ATP2C1: variants seen among roughly 807,000 people sequenced by gnomAD.
ATP2C1 encodes the protein calcium-transporting ATPase type 2C member 1.
In ATP2C1, 31 loss-of-function variants were observed where a neutral mutation model predicts 120.5. The ratio of observed to expected loss-of-function variants is 0.26; its 90% CI spans 0.19 to 0.35. ATP2C1 has a LOEUF of 0.35. Among genes scored for constraint, ATP2C1 ranks in the 10% least tolerant of loss-of-function variants. The probability of loss-of-function intolerance (pLI) is 1.00; values close to 1 mark genes in which losing one functional copy is unlikely to be tolerated. For synonymous variants in ATP2C1, 351 were observed against 358.7 expected (o/e 0.98, Z 0.24); for missense variants, 731 against 1,107.5 (o/e 0.66, Z 4.83).
intron 2 of ATP2C1, among the ~76,000 whole-genome samples, chr3:130,896,123 TA>T (rs2069607739): frequency 6.6e-6 from 1 of 152,232 alleles, no homozygotes; most frequent in Non-Finnish European, 1.5e-5. Flanking sequence ...AGAAACATCT[TA>T]AATAACTTCT....
exon 27 of ATP2C1, chr3:131,016,334 C>A: frequency 6.2e-7 from 1 of 1,614,142 alleles, no homozygotes; most frequent in South Asian, 1.1e-5. Context: ...TGCAGCTCTT[C>A]CTTACCTAAA....
At chr3:130,991,629 A>G (rs988761931) in intron 20 of ATP2C1, among the ~76,000 whole-genome samples, 11 of 152,166 alleles carry the variant, frequency 7.2e-5, no homozygotes, top group African/African-American at 2.7e-4. Flanking sequence ...CTTTTTTTAT[A>G]TGGAAGGGAC....
At chr3:130,976,185 T>C (rs533033181) in intron 18 of ATP2C1, among the ~76,000 whole-genome samples, 1 of 152,362 alleles carries the variant, frequency 6.6e-6, no homozygotes, top group South Asian at 2.1e-4. Context: ...GTCTAAGCAC[T>C]ACAATTTCTG....
chr3:130,942,447 AC>A (rs1285201465), intron 8 of ATP2C1, among the ~76,000 whole-genome samples: 4 of 152,144 alleles, frequency 2.6e-5, no homozygotes, highest in African/African-American at 9.7e-5. Context: ...GGCTTTCAAA[AC>A]CCATTAGTAT....
At chr3:131,005,316 C>T (rs1336297072), downstream of ATP2C1, among the ~76,000 whole-genome samples, 1 of 151,878 alleles carries the variant, frequency 6.6e-6, no homozygotes, top group Non-Finnish European at 1.5e-5. Context: ...CAGGGTTTCA[C>T]CATATTACCC....
Position 130,993,863 on chromosome 3 carries a change from A to G in ATP2C1, c.1891-69A>G, listed in dbSNP as rs560567280. ...TGAAAAAAATAGGGAGGATTTGTTT[A>G]TCGCTTTGTATGGAAGCAACATTTT... On this transcript the variant is annotated intron_variant, in intron 21 of 27. Transcript: ENST00000510168. The G allele has an allele frequency of 4.4e-5, 67 of 1,515,702 alleles. 1 individual carries two copies. In the South Asian group the frequency reaches 6.8e-4, roughly 15 times the overall value. 93.9% of individuals were successfully genotyped at this position (1,515,702 alleles called of 1,614,324 possible).
chr3:130,949,646 A>T (rs770393060), intron 8 of ATP2C1, among the ~76,000 whole-genome samples: 1 of 152,198 alleles, frequency 6.6e-6, no homozygotes, highest in Non-Finnish European at 1.5e-5. Flanking sequence ...AACTTTCTGT[A>T]TACTCGAATC....
chr3:130,940,717 T>C, intron 7 of ATP2C1, 26 bp downstream of exon 7: 1 of 1,560,326 alleles, frequency 6.4e-7, no homozygotes, highest in Non-Finnish European at 8.8e-7. Context: ...TGGTATGGAT[T>C]TCTGCCCCTT....
chr3:130,986,228 C>T (rs2062006296), intron 20 of ATP2C1, among the ~76,000 whole-genome samples: 3 of 140,658 alleles, frequency 2.1e-5, no homozygotes, highest in African/African-American at 5.3e-5. Context: ...GTAATCTCTT[C>T]CTGAAGTTTA....
chr3:131,015,232 A>G (rs2063550261), intron 26 of ATP2C1: 1 of 702,270 alleles, frequency 1.4e-6, no homozygotes, highest in African/African-American at 1.7e-5. Context: ...ATATATCCTC[A>G]TTCAAAGTAT....
chr3:130,973,986 T>A (rs1293641389), intron 17 of ATP2C1, among the ~76,000 whole-genome samples: 1 of 152,172 alleles, frequency 6.6e-6, no homozygotes, highest in Non-Finnish European at 1.5e-5. Context: ...AGAGGGTTGT[T>A]CCTAGATACC....
rs1311722924 is a variant in ATP2C1, at chr3:130,975,354, T to C, written c.1436T>C (p.Met479Thr). Residue 479 changes from methionine (M) to threonine (T), a missense_variant, in exon 18 of 28, where the codon ATG becomes ACG. Met to Thr is a moderately conservative substitution (Grantham distance 81, BLOSUM62 -1). This residue lies in a region of ATP2C1 where 571 missense variants were observed against 845.9 expected (regional missense o/e 0.67). Coordinates refer to ENST00000510168, the MANE Select transcript of ATP2C1 (RefSeq NM_001378687.1). ...TAGGACAGACCAGAGATTTGTTTTA[T>C]GAAAGGTGCTTACGAACAAGTAATT... ...TQQDRPEICF[M>T]KGAYEQVIKY... 20 of 1,613,864 alleles carry C rather than the reference T, an allele frequency of 1.2e-5. No homozygotes were observed. The highest frequency in any genetic ancestry group is 1.7e-5 in the Non-Finnish European group (20 of 1,179,790).
intron 2 of ATP2C1, among the ~76,000 whole-genome samples, chr3:130,915,604 G>A (rs2058654030): frequency 1.3e-5 from 2 of 152,126 alleles, no homozygotes; most frequent in Non-Finnish European, 2.9e-5. Context: ...TGTAGTTGAG[G>A]GAAAAACACG....
chr3:130,942,639 A>G (rs1301486448), intron 8 of ATP2C1, among the ~76,000 whole-genome samples: 1 of 152,158 alleles, frequency 6.6e-6, no homozygotes, highest in Non-Finnish European at 1.5e-5. Context: ...TTTTTTCCAA[A>G]TATTTGAAAT....
chr3:130,894,358 C>G lies in ATP2C1; in HGVS notation c.-181+21C>G, dbSNP rs1468511277. Reference sequence around the variant, plus strand: ...TTTGGGTGGGTACCAGTATTACCTCCTGCCCCCATTTCTAGAAACTTCCAG... The same window carrying G: ...TTTGGGTGGGTACCAGTATTACCTCGTGCCCCCATTTCTAGAAACTTCCAG... On this transcript the variant is annotated intron_variant, in intron 1 of 27. Transcript: ENST00000510168. This position sits in a 1 kb window ranked among gnomAD's most constrained non-coding sequence, Gnocchi z 4.5. The G allele has an allele frequency of 1.8e-6, 2 of 1,094,474 alleles. No individual in the cohort carries two copies. Among genetic ancestry groups the G allele is most frequent in the Non-Finnish European group, 1.1e-6 (1 of 892,438 alleles). The allele number at this position is 1,094,474 out of a possible 1,614,324, so 67.8% of individuals were successfully genotyped here. A position where few individuals can be genotyped will look rare whatever the true frequency, so the allele number is the denominator to read the frequency against.
chr3:130,871,647 T>C (rs1576557770), intron 1 of ATP2C1, among the ~76,000 whole-genome samples: 1 of 152,380 alleles, frequency 6.6e-6, no homozygotes, highest in Non-Finnish European at 1.5e-5. Context: ...GGGATACTAA[T>C]GATGACTTAG....
intron 2 of ATP2C1, among the ~76,000 whole-genome samples, chr3:130,909,981 C>T (rs140264384): frequency 4.6e-5 from 7 of 152,178 alleles, no homozygotes; most frequent in South Asian, 2.1e-4. Context: ...GCTGCGATTA[C>T]GGGCATGAGC....
intron 1 of ATP2C1, among the ~76,000 whole-genome samples, chr3:130,883,473 T>G (rs1043913649): frequency 3.7e-4 from 27 of 72,034 alleles, no homozygotes; most frequent in African/African-American, 1.0e-3. Flanking sequence ...TTCTTTTTTT[T>G]TTTTCTCCAC....
intron 2 of ATP2C1, among the ~76,000 whole-genome samples, chr3:130,926,187 G>T (rs910478339): frequency 3.3e-5 from 5 of 152,120 alleles, no homozygotes; most frequent in Non-Finnish European, 2.9e-5. Flanking sequence ...TTCTTGTATT[G>T]TAGCAAAAGT....
Sources: gnomAD v4.1 joint callset for allele counts (sites outside exome capture counted in the v4.1 genomes callset) on GRCh38, gnomAD v4.1.1 for gene constraint, gnomAD v4.1.1 regional missense constraint, Gnocchi (gnomAD v3.1) non-coding constraint, MANE v1.5 for transcripts, NCBI Gene and HGNC (gene_info 2026-07-23, HGNC 2026-07-21) for gene names.